ENOX1: variants seen among roughly 807,000 people sequenced by gnomAD.
ENOX1 encodes the protein ecto-NOX disulfide-thiol exchanger 1, also known as candidate growth-related and time keeping constitutive hydroquinone (NADH) oxidase.
A neutral mutation model predicts 82.5 loss-of-function variants in ENOX1; 42 were observed. That is an observed-to-expected ratio of 0.51 (90% CI 0.40 to 0.66). The LOEUF (loss-of-function observed/expected upper bound fraction) is 0.66, where lower values mean the gene tolerates loss of function less well. ENOX1 is among the 30% of genes least tolerant of loss of function. The probability of loss-of-function intolerance (pLI) is 0.00; values close to 1 mark genes in which losing one functional copy is unlikely to be tolerated. For missense variants in ENOX1, 608 were observed against 811.6 expected, an observed-to-expected ratio of 0.75 and a Z score of 3.05; for synonymous variants, 271 against 282.2, an observed-to-expected ratio of 0.96 and a Z score of 0.40.
chr13:43,399,785 T>C (rs563707912), intron 5 of ENOX1, among the ~76,000 whole-genome samples: 1 of 152,222 alleles, frequency 6.6e-6, no homozygotes, highest in African/African-American at 2.4e-5. Context: ...TTCCTCAATG[T>C]TGAAGGAAAA....
intron 2 of ENOX1, among the ~76,000 whole-genome samples, chr13:43,617,825 G>A (rs2082547183): frequency 6.6e-6 from 1 of 152,182 alleles, no homozygotes; most frequent in Non-Finnish European, 1.5e-5. Flanking sequence ...AGCTATGCTA[G>A]TTTACATTCC....
At chr13:43,592,094 G>T (rs75253540) in intron 2 of ENOX1, among the ~76,000 whole-genome samples, 1 of 152,092 alleles carries the variant, frequency 6.6e-6, no homozygotes, top group African/African-American at 2.4e-5. Flanking sequence ...ATTTTTCACC[G>T]TGTGTGCTCA....
chr13:43,266,048 C>T (rs1002055134), intron 13 of ENOX1, among the ~76,000 whole-genome samples: 6 of 152,300 alleles, frequency 3.9e-5, no homozygotes, highest in Non-Finnish European at 7.3e-5. Flanking sequence ...AGATTTTTAG[C>T]AGTGAACATT....
chr13:43,643,480 A>G (rs969508336), intron 2 of ENOX1, among the ~76,000 whole-genome samples: 1 of 152,210 alleles, frequency 6.6e-6, no homozygotes, highest in African/African-American at 2.4e-5. Context: ...CTTCCTTTGG[A>G]ATAGCTACTA....
chr13:43,399,853 C>T (rs899435271), intron 5 of ENOX1, among the ~76,000 whole-genome samples: 2 of 152,186 alleles, frequency 1.3e-5, no homozygotes, highest in South Asian at 2.1e-4. Flanking sequence ...AATAGGCTAA[C>T]GCCCCTCTGT....
chr13:43,715,178 T>G (rs2088025701), intron 1 of ENOX1, among the ~76,000 whole-genome samples: 1 of 152,202 alleles, frequency 6.6e-6, no homozygotes, highest in Non-Finnish European at 1.5e-5. Flanking sequence ...GAAGCTTAGT[T>G]TGGCTGGATA....
chr13:43,238,990 A>G (rs7991416), intron 14 of ENOX1, among the ~76,000 whole-genome samples: 64 of 152,284 alleles, frequency 4.2e-4, no homozygotes, highest in African/African-American at 1.5e-3. Flanking sequence ...CCCAGGTCCA[A>G]AAGTGGAGTC....
At chr13:43,396,811 T>G (rs1056948131) in intron 5 of ENOX1, among the ~76,000 whole-genome samples, 1 of 152,230 alleles carries the variant, frequency 6.6e-6, no homozygotes, top group African/African-American at 2.4e-5. Flanking sequence ...TCTTATGTTC[T>G]TGATTTTTAA....
chr13:43,321,316 T>C (rs2047793948), intron 11 of ENOX1, among the ~76,000 whole-genome samples: 1 of 152,218 alleles, frequency 6.6e-6, no homozygotes, highest in Non-Finnish European at 1.5e-5. Context: ...TAGATGATGC[T>C]GGTGCTACTG....
chr13:43,694,108 A>C (rs1196257365), intron 1 of ENOX1, among the ~76,000 whole-genome samples: 1 of 152,160 alleles, frequency 6.6e-6, no homozygotes, highest in East Asian at 1.9e-4. Flanking sequence ...GCTAATTGAG[A>C]AATAGAGCTG....
chr13:43,616,172 ATCTATC>A lies in ENOX1; in HGVS notation c.-219+51301_-219+51306del, dbSNP rs1170256636. On this transcript the variant is annotated intron_variant, in intron 2 of 16. Transcript: ENST00000690772. Reference sequence around the variant, plus strand: ...TATATAGATAGATATCTATCTATCTATCTATCTATCTATCTATATATATATATATAT... The same window carrying A: ...TATATAGATAGATATCTATCTATCTATATCTATCTATATATATATATATAT... 6.1e-3 allele frequency among the ~76,000 whole-genome samples: 39 copies of A among 6,440 alleles called. 2 individuals carry two copies. The highest frequency in any genetic ancestry group is 8.7e-3 in the African/African-American group (39 of 4,490). The allele number at this position is 6,440 out of a possible 152,430, so 4.2% of individuals were successfully genotyped here. A position where few individuals can be genotyped will look rare whatever the true frequency, so the allele number is the denominator to read the frequency against.
At position 43,665,191 on chromosome 13, in the gene ENOX1, CT is replaced by C. The variant is rs2084918617; in HGVS notation, c.-219+2287del. ...TCCTAGGAGGAGATCTGACCCTGGA[CT>C]TTCACTCTTCTCAGCAGGAGGCTCC... On this transcript the variant is annotated intron_variant, in intron 2 of 16. Transcript: ENST00000690772. 3.3e-5 allele frequency among the ~76,000 whole-genome samples: 5 copies of C among 152,174 alleles called. No individual in the cohort carries two copies. In the South Asian group the frequency reaches 1.0e-3, roughly 32 times the overall value.
chr13:43,495,290 T>A (rs2153664301), intron 2 of ENOX1, among the ~76,000 whole-genome samples: 1 of 152,264 alleles, frequency 6.6e-6, no homozygotes, highest in Non-Finnish European at 1.5e-5. Flanking sequence ...CAAGTCAAGA[T>A]ACAAAACATT....
chr13:43,288,568 T>C (rs2045831328), intron 12 of ENOX1, among the ~76,000 whole-genome samples: 1 of 152,210 alleles, frequency 6.6e-6, no homozygotes, highest in African/African-American at 2.4e-5. Flanking sequence ...TTCTCTACAC[T>C]GTTAATAAGA....
At chr13:43,219,586 C>CA (rs1418650718) in intron 16 of ENOX1, among the ~76,000 whole-genome samples, 2 of 151,992 alleles carry the variant, frequency 1.3e-5, no homozygotes, top group African/African-American at 4.8e-5. Context: ...GCTACAAATA[C>CA]AAAAAAGAAA....
chr13:43,229,459 G>C (rs540238218), intron 15 of ENOX1, among the ~76,000 whole-genome samples: 64 of 152,250 alleles, frequency 4.2e-4, no homozygotes, highest in Non-Finnish European at 6.9e-4. Flanking sequence ...GAACACACTG[G>C]GCTGGAGAGT....
At chr13:43,358,464 T>C (rs188622095) in intron 7 of ENOX1, among the ~76,000 whole-genome samples, 103 of 151,408 alleles carry the variant, frequency 6.8e-4, no homozygotes, top group Non-Finnish European at 1.2e-3. Flanking sequence ...CGGGGGGTCC[T>C]GGAACCAATC....
intron 1 of ENOX1, among the ~76,000 whole-genome samples, chr13:43,679,689 A>G (rs557852847): frequency 1.3e-5 from 2 of 152,296 alleles, no homozygotes; most frequent in South Asian, 2.1e-4. Flanking sequence ...CAACACTTAT[A>G]TTCTATGATC....
At chr13:43,532,123 T>C (rs922795354) in intron 2 of ENOX1, among the ~76,000 whole-genome samples, 1 of 152,076 alleles carries the variant, frequency 6.6e-6, no homozygotes, top group African/African-American at 2.4e-5. Flanking sequence ...ATTTTTAACA[T>C]GTTAAAGACT....
Sources: allele counts gnomAD v4.1 joint callset (sites outside exome capture counted in the v4.1 genomes callset), GRCh38; gene constraint gnomAD v4.1.1; transcripts MANE v1.5; gene names NCBI Gene and HGNC (gene_info 2026-07-23, HGNC 2026-07-21).